C7: variants seen among roughly 807,000 people sequenced by gnomAD.
C7 encodes complement C7, also known as complement component C7.
In C7, 83 loss-of-function variants were observed where a neutral mutation model predicts 104.8. The observed-to-expected ratio is 0.79, with a 90% CI of 0.66 to 0.95. C7 has a LOEUF of 0.95. Among genes scored for constraint, C7 ranks in the 40% least tolerant of loss-of-function variants. The pLI, the probability that C7 is intolerant of heterozygous loss-of-function variation, is 0.00. For synonymous variants in C7, 415 were observed against 360.6 expected, an observed-to-expected ratio of 1.15 and a Z score of -1.71; for missense variants, 1,070 against 1,011.2, an observed-to-expected ratio of 1.06 and a Z score of -0.79.
At chr5:40,952,542 C>A (rs1049632812) in intron 9 of C7, among the ~76,000 whole-genome samples, 1 of 147,866 alleles carries the variant, frequency 6.8e-6, no homozygotes, top group Non-Finnish European at 1.5e-5. Flanking sequence ...ATGTGCACAA[C>A]GTGCAGGTTT....
chr5:40,965,935 G>T lies in C7; in HGVS notation c.1882+1062G>T, dbSNP rs74445992. On this transcript the variant is annotated intron_variant, in intron 14 of 17. Coordinates refer to ENST00000313164, the MANE Select transcript of C7 (RefSeq NM_000587.4). ...TAGGATTATAGGTGCGAGCTACTGTGCCCAGCCTATTTTTATATTTTTTCT... is the reference window on the plus strand; with the variant it reads ...TAGGATTATAGGTGCGAGCTACTGTTCCCAGCCTATTTTTATATTTTTTCT... Among the ~76,000 whole-genome samples the T allele has an allele frequency of 9.1e-3, 1,382 of 151,910 alleles. 14 individuals carry two copies. Among genetic ancestry groups the T allele is most frequent in the African/African-American group, 0.032 (1,317 of 41,488 alleles).
intron 3 of C7, among the ~76,000 whole-genome samples, 180 bp downstream of exon 3, chr5:40,931,319 CTT>C (rs1321467546): frequency 1.3e-5 from 2 of 152,180 alleles, no homozygotes; most frequent in African/African-American, 2.4e-5. Context: ...AATAAAGTAA[CTT>C]GTAATATTGT....
chr5:40,913,398 G>T (rs544480543), intron 1 of C7, among the ~76,000 whole-genome samples: 2 of 152,120 alleles, frequency 1.3e-5, no homozygotes, highest in South Asian at 4.1e-4. Flanking sequence ...TATGGAAGTT[G>T]TACTAATTTA....
chr5:40,936,196 G>C (rs1290346378), intron 4 of C7, 142 bp from the exon 5 acceptor site: 1 of 638,646 alleles, frequency 1.6e-6, no homozygotes, highest in Admixed American at 3.0e-5. Context: ...AGTCCTTTCC[G>C]AGACACTCTG....
intron 14 of C7, among the ~76,000 whole-genome samples, chr5:40,970,027 A>G (rs2111702358): frequency 6.6e-6 from 1 of 152,180 alleles, no homozygotes; most frequent in South Asian, 2.1e-4. Context: ...TAGATTATGA[A>G]GTTTTGGAAG....
intron 9 of C7, among the ~76,000 whole-genome samples, chr5:40,950,273 A>T (rs1392571953): frequency 6.6e-6 from 1 of 152,112 alleles, no homozygotes; most frequent in Non-Finnish European, 1.5e-5. Flanking sequence ...CTCATCATTT[A>T]GCTCCTGCAT....
intron 6 of C7, 145 bp downstream of exon 6, chr5:40,937,835 T>G (rs2111601297): frequency 1.4e-6 from 1 of 724,980 alleles, no homozygotes; most frequent in Non-Finnish European, 2.2e-6. Context: ...ACTTAAAAAG[T>G]ATACACAGTG....
intron 14 of C7, among the ~76,000 whole-genome samples, chr5:40,969,042 A>T (rs2111699394): frequency 6.6e-6 from 1 of 152,224 alleles, no homozygotes; most frequent in African/African-American, 2.4e-5. Context: ...GCGCCCATCT[A>T]CTTCCTTACT....
intron 1 of C7, among the ~76,000 whole-genome samples, chr5:40,912,567 C>T (rs1368756293): frequency 1.4e-5 from 2 of 140,784 alleles, no homozygotes; most frequent in Non-Finnish European, 1.5e-5. Flanking sequence ...TTTGTTGCAA[C>T]AGGCTGGCCT....
chr5:40,951,028 A>G (rs1203884335), intron 9 of C7, among the ~76,000 whole-genome samples: 4 of 152,212 alleles, frequency 2.6e-5, no homozygotes, highest in Non-Finnish European at 4.4e-5. Flanking sequence ...GTAAAGTTGT[A>G]GAGAATAAAG....
Position 40,913,977 on chromosome 5 carries a change from C to T in C7, c.6+4361C>T, listed in dbSNP as rs189807483. Among the ~76,000 whole-genome samples, 11 of 152,264 alleles carry T rather than the reference C, an allele frequency of 7.2e-5. No homozygotes were observed. The South Asian group carries it at 1.0e-3, about 14-fold the overall frequency. On this transcript the variant is annotated intron_variant, in intron 1 of 17. Transcript: ENST00000313164. ...TACAGGCGTGAGTCACTGCGTCCGACCGCCCCAAATAATTTTTTAAGAATT... is the reference window on the plus strand; with the variant it reads ...TACAGGCGTGAGTCACTGCGTCCGATCGCCCCAAATAATTTTTTAAGAATT...
At chr5:40,956,018 A>G (rs1283546564) in intron 10 of C7, among the ~76,000 whole-genome samples, 1 of 152,136 alleles carries the variant, frequency 6.6e-6, no homozygotes, top group African/African-American at 2.4e-5. Flanking sequence ...TATTGTTATC[A>G]TCAATTCTTT....
chr5:40,972,399 T>G lies in C7; in HGVS notation c.1883-4T>G, dbSNP rs754017370. 5 of 1,613,480 alleles carry G rather than the reference T, an allele frequency of 3.1e-6. No individual in the cohort carries two copies. Among genetic ancestry groups the G allele is most frequent in the Middle Eastern group, 1.7e-4 (1 of 6,060 alleles). On this transcript the variant is annotated splice_region_variant and splice_polypyrimidine_tract_variant and intron_variant, in intron 14 of 17. Coordinates refer to ENST00000313164, the MANE Select transcript of C7 (RefSeq NM_000587.4). ...CCTTATATTTTGCTCTCTTTTATCTTTAGAAATTGCCTGTGTTCTACCTGT... is the reference window on the plus strand; with the variant it reads ...CCTTATATTTTGCTCTCTTTTATCTGTAGAAATTGCCTGTGTTCTACCTGT...
intron 14 of C7, 87 bp downstream of exon 14, chr5:40,964,960 C>CAACA: frequency 6.8e-7 from 1 of 1,461,982 alleles, no homozygotes; most frequent in Non-Finnish European, 9.5e-7. Context: ...ACCATATGGC[C>CAACA]CATGTGTTGG....
chr5:40,974,386 CG>C (rs1473102680), intron 15 of C7, among the ~76,000 whole-genome samples: 17 of 139,324 alleles, frequency 1.2e-4, no homozygotes, highest in African/African-American at 3.5e-4. Context: ...GTAATTCTAT[CG>C]TTTTTTTTTT....
intron 16 of C7, among the ~76,000 whole-genome samples, chr5:40,978,435 C>T (rs183139308): frequency 5.9e-4 from 90 of 152,248 alleles, no homozygotes; most frequent in Admixed American, 2.4e-3. Flanking sequence ...AGTTGATCTG[C>T]AGCTCGTTGT....
At chr5:40,968,820 G>A (rs1480186827) in intron 14 of C7, among the ~76,000 whole-genome samples, 1 of 150,244 alleles carries the variant, frequency 6.7e-6, no homozygotes, top group Admixed American at 6.7e-5. Context: ...CCATGTTGCC[G>A]TGGCTGTTCT....
At position 40,936,502 on chromosome 5, in the gene C7, C is replaced by G. The variant is rs375891936; in HGVS notation, c.428+17C>G. On this transcript the variant is annotated intron_variant, in intron 5 of 17. Coordinates refer to ENST00000313164, the MANE Select transcript of C7 (RefSeq NM_000587.4). ...TGGAAATGGGTAAGGTGCTGGGCAG[C>G]CTCCTGAGTACATCAGTGAATTGTA... The G allele has an allele frequency of 7.5e-6, 12 of 1,606,228 alleles. No individual in the cohort carries two copies. Among genetic ancestry groups the G allele is most frequent in the Non-Finnish European group, 9.3e-6 (11 of 1,176,706 alleles).
intron 14 of C7, chr5:40,971,948 C>A: frequency 2.4e-6 from 1 of 414,752 alleles, no homozygotes; most frequent in Non-Finnish European, 4.7e-6. Flanking sequence ...ACAAGACAGA[C>A]CCTGTCCCTA....
Sources: allele counts gnomAD v4.1 joint callset (sites outside exome capture counted in the v4.1 genomes callset), GRCh38; gene constraint gnomAD v4.1.1; transcripts MANE v1.5; gene names NCBI Gene and HGNC (gene_info 2026-07-23, HGNC 2026-07-21).